CDC14B: variants seen among roughly 807,000 people sequenced by gnomAD.
CDC14B encodes cell division cycle 14B, also known as dual specificity protein phosphatase CDC14B.
In CDC14B, 22 loss-of-function variants were observed where a neutral mutation model predicts 64.2. That is an observed-to-expected ratio of 0.34 (90% CI 0.24 to 0.49). CDC14B has a LOEUF of 0.49. Ranked by LOEUF, CDC14B falls within the 20% of genes least tolerant of loss-of-function variation. The pLI, the probability that CDC14B is intolerant of heterozygous loss-of-function variation, is 0.99. For synonymous variants in CDC14B, 191 were observed against 215.8 expected (o/e 0.89, Z 1.01); for missense variants, 498 against 629.9 (o/e 0.79, Z 2.24).
In CDC14B at chr9:96,555,708, T is replaced by C. The variant is rs566355551; in HGVS notation, c.421-3836A>G. On this transcript the variant is annotated intron_variant, in intron 4 of 13. Coordinates refer to ENST00000375241, the MANE Select transcript of CDC14B (RefSeq NM_033331.4). Reference sequence around the variant, plus strand: ...GTTTCTCTAGGATAAAGACTCTCTCTGAACGAGCAAATATCACACAAACAC... The same window carrying C: ...GTTTCTCTAGGATAAAGACTCTCTCCGAACGAGCAAATATCACACAAACAC... Among the ~76,000 whole-genome samples the C allele has an allele frequency of 3.3e-5, 5 of 152,326 alleles. No individual in the cohort carries two copies. The South Asian group carries it at 1.0e-3, about 32-fold the overall frequency.
downstream of CDC14B, among the ~76,000 whole-genome samples, chr9:96,499,566 G>A (rs1198823925): frequency 6.6e-6 from 1 of 152,224 alleles, no homozygotes; most frequent in Admixed American, 6.5e-5. Context: ...ACTTTGTGTT[G>A]TGTGAGCTGG....
At chr9:96,532,004 T>A (rs1253608171) in intron 9 of CDC14B, among the ~76,000 whole-genome samples, 1 of 152,218 alleles carries the variant, frequency 6.6e-6, no homozygotes, top group Admixed American at 6.5e-5. Context: ...TGTTATTATA[T>A]CCAAGGTTTT....
At chr9:96,496,829 C>T (rs1833268301), downstream of CDC14B, among the ~76,000 whole-genome samples, 1 of 152,234 alleles carries the variant, frequency 6.6e-6, no homozygotes, top group African/African-American at 2.4e-5. Context: ...GAGGCGGCTT[C>T]TCTGTCCTGT....
intron 1 of CDC14B, among the ~76,000 whole-genome samples, chr9:96,608,737 A>G (rs774531777): frequency 3.9e-5 from 6 of 152,126 alleles, no homozygotes; most frequent in Non-Finnish European, 7.4e-5. Context: ...AAGAGATCCA[A>G]ATTAGAGATA....
At chr9:96,550,019 T>G (rs1224172238) in intron 5 of CDC14B, among the ~76,000 whole-genome samples, 1 of 152,102 alleles carries the variant, frequency 6.6e-6, no homozygotes, top group African/African-American at 2.4e-5. Flanking sequence ...AATCTAAGAG[T>G]GGCATCACAA....
chr9:96,566,872 G>C (rs1473614128), intron 1 of CDC14B: 2 of 1,572,314 alleles, frequency 1.3e-6, no homozygotes, highest in Admixed American at 1.9e-5. Context: ...CCGCCGAGAG[G>C]GGAGGCGCCG....
chr9:96,526,893 T>C (rs373023901), intron 9 of CDC14B, among the ~76,000 whole-genome samples: 4 of 152,190 alleles, frequency 2.6e-5, no homozygotes, highest in East Asian at 3.9e-4. Context: ...TGTGATGGGG[T>C]TGGGGTGCAA....
chr9:96,520,493 G>A (rs1042838815), intron 12 of CDC14B, among the ~76,000 whole-genome samples: 4 of 152,062 alleles, frequency 2.6e-5, no homozygotes, highest in African/African-American at 7.2e-5. Flanking sequence ...CTACAGGTGC[G>A]CACAGCCACG....
intron 1 of CDC14B, among the ~76,000 whole-genome samples, chr9:96,609,293 C>T (rs1234815399): frequency 2.0e-5 from 3 of 152,206 alleles, no homozygotes; most frequent in East Asian, 3.9e-4. Flanking sequence ...TAGGAATGAT[C>T]GAGTGACATT....
intron 9 of CDC14B, among the ~76,000 whole-genome samples, chr9:96,525,445 A>T (rs914748582): frequency 3.3e-5 from 5 of 151,810 alleles, no homozygotes; most frequent in Non-Finnish European, 1.5e-5. Context: ...CGAGACACAG[A>T]GTATATAAGC....
chr9:96,570,952 A>G (rs1265024350), intron 1 of CDC14B, among the ~76,000 whole-genome samples: 1 of 152,206 alleles, frequency 6.6e-6, no homozygotes, highest in African/African-American at 2.4e-5. Context: ...TAATTAAAAC[A>G]ATAGGATTTT....
chr9:96,531,569 C>G (rs553241768), intron 9 of CDC14B, among the ~76,000 whole-genome samples: 1 of 152,024 alleles, frequency 6.6e-6, no homozygotes, highest in East Asian at 1.9e-4. Context: ...TGTTATTCTT[C>G]TTAAAGAACC....
At chr9:96,617,099 T>C (rs969962729) in intron 1 of CDC14B, among the ~76,000 whole-genome samples, 35 of 114,284 alleles carry the variant, frequency 3.1e-4, no homozygotes, top group Admixed American at 4.6e-4. Flanking sequence ...GGGCTTGCAA[T>C]CTGATAGGAT....
chr9:96,571,393 C>T (rs1253295248), intron 1 of CDC14B, among the ~76,000 whole-genome samples: 1 of 152,068 alleles, frequency 6.6e-6, no homozygotes, highest in Non-Finnish European at 1.5e-5. Context: ...CCAGGATGGT[C>T]TCAATCTCCT....
intron 9 of CDC14B, among the ~76,000 whole-genome samples, chr9:96,532,854 G>A (rs562496156): frequency 1.3e-5 from 2 of 151,868 alleles, no homozygotes; most frequent in African/African-American, 4.8e-5. Flanking sequence ...TTCATAAATC[G>A]TTTCCTTGAC....
At chr9:96,492,574 T>C (rs931267563) in exon 14 of CDC14B, 1 of 152,176 alleles carries the variant, frequency 6.6e-6, no homozygotes, top group Non-Finnish European at 1.5e-5. Context: ...TGAAACCCTG[T>C]CTCTACTAAA....
intron 1 of CDC14B, among the ~76,000 whole-genome samples, 179 bp downstream of exon 1, chr9:96,619,040 G>C (rs1463149888): frequency 6.6e-6 from 1 of 151,784 alleles, no homozygotes; most frequent in Non-Finnish European, 1.5e-5. Flanking sequence ...GGGGCGGGGG[G>C]CGCTCCTCAG....
At chr9:96,513,220 T>C (rs1409425691) in intron 12 of CDC14B, among the ~76,000 whole-genome samples, 1 of 152,192 alleles carries the variant, frequency 6.6e-6, no homozygotes, top group African/African-American at 2.4e-5. Flanking sequence ...CTTGAGTGTA[T>C]TAACCACACC....
At chr9:96,607,876 C>T (rs999243301) in intron 1 of CDC14B, among the ~76,000 whole-genome samples, 1 of 152,168 alleles carries the variant, frequency 6.6e-6, no homozygotes, top group East Asian at 1.9e-4. Flanking sequence ...ACAGGGGCAA[C>T]GGCTCTGCCA....
Sources: gnomAD v4.1 joint callset for allele counts (sites outside exome capture counted in the v4.1 genomes callset) on GRCh38, gnomAD v4.1.1 for gene constraint, MANE v1.5 for transcripts, NCBI Gene and HGNC (gene_info 2026-07-23, HGNC 2026-07-21) for gene names.